Variants in PLCG2 observed in about 807,000 individuals in gnomAD.
PLCG2 encodes the protein 1-phosphatidylinositol 4,5-bisphosphate phosphodiesterase gamma-2.
A neutral mutation model predicts 175.6 loss-of-function variants in PLCG2; 69 were observed. That is an observed-to-expected ratio of 0.39 (90% CI 0.32 to 0.48). The LOEUF (loss-of-function observed/expected upper bound fraction) is 0.48. Ranked by LOEUF, PLCG2 falls within the 20% of genes least tolerant of loss-of-function variation. The pLI is 0.91. For synonymous variants in PLCG2, 827 were observed against 624.0 expected, an observed-to-expected ratio of 1.33 and a Z score of -4.85; for missense variants, 1,798 against 1,650.9, an observed-to-expected ratio of 1.09 and a Z score of -1.54.
chr16:81,746,258 T>G (rs1265355372), intron 1 of PLCG2, among the ~76,000 whole-genome samples: 2 of 152,304 alleles, frequency 1.3e-5, no homozygotes, highest in East Asian at 3.9e-4. Flanking sequence ...CTTCATCTAC[T>G]CGTGACACGT....
chr16:81,844,547 C>A (rs1006711128), intron 2 of PLCG2, among the ~76,000 whole-genome samples: 1 of 152,040 alleles, frequency 6.6e-6, no homozygotes, highest in African/African-American at 2.4e-5. Context: ...GTCTCAAACT[C>A]CCAACTTCAA....
intron 5 of PLCG2, among the ~76,000 whole-genome samples, chr16:81,867,007 G>T (rs968751688): frequency 2.0e-5 from 3 of 152,224 alleles, no homozygotes; most frequent in Non-Finnish European, 4.4e-5. Flanking sequence ...TGCCCTCAAG[G>T]TCTGTCTGTG....
intron 2 of PLCG2, among the ~76,000 whole-genome samples, chr16:81,790,847 G>T (rs1475153512): frequency 2.0e-5 from 3 of 152,106 alleles, no homozygotes; most frequent in Admixed American, 2.0e-4. Context: ...GATACAGGGT[G>T]CTACTGGCAT....
chr16:81,858,323 C>T lies in PLCG2; in HGVS notation c.398C>T (p.Ala133Val), dbSNP rs61755444. The stretch of plus-strand genomic sequence containing the variant: ...GGCTTGAAAATCTTACACCAGGAAG[C>T]GATGAATGCGTCCACGCCCACCATT... ...LSGLKILHQEAMNASTPTIIE... is the reference protein window; with the variant it reads ...LSGLKILHQEVMNASTPTIIE... The change falls in exon 4 of 33, where the codon GCG becomes GTG. Residue 133 changes from alanine to valine, a missense_variant. Physicochemically the swap from Ala to Val is moderately conservative, Grantham distance 64 (BLOSUM62 0). Transcript: ENST00000564138. 2.7e-4 allele frequency: 428 copies of T among 1,613,874 alleles called. No homozygotes were observed. The highest frequency in any genetic ancestry group is 2.9e-4 in the Non-Finnish European group (338 of 1,179,742).
chr16:81,944,820 G>A (rs532772760), intron 30 of PLCG2, among the ~76,000 whole-genome samples: 1 of 152,032 alleles, frequency 6.6e-6, no homozygotes, highest in Admixed American at 6.6e-5. Context: ...CAAGGATTTT[G>A]GTATCTGGGG....
Position 81,931,498 on chromosome 16 carries a change from G to A in PLCG2, c.2583G>A (p.Val861=), listed in dbSNP as rs772898214. Residue 861 remains valine, a splice_region_variant and synonymous_variant, in exon 25 of 33, where the codon GTG becomes GTA. Transcript: ENST00000564138. ...CATTTCTTATTCTCTTACCCCAAGT[G>A]AAAGCCCCTCAGGGAAAAAACCAGA... The part of the protein sequence containing the change: ...GILDLNTYNV[V]KAPQGKNQKS... 13 of 1,613,908 alleles carry A rather than the reference G, an allele frequency of 8.1e-6. No homozygotes were observed. The highest frequency in any genetic ancestry group is 1.1e-5 in the Non-Finnish European group (13 of 1,179,860).
chr16:81,785,878 A>G, intron 1 of PLCG2, 65 bp from the exon 2 acceptor site: 1 of 1,000,274 alleles, frequency 1.0e-6, no homozygotes, highest in Non-Finnish European at 1.5e-6. Flanking sequence ...CCTGAAGTTC[A>G]TGCCCTGTTA....
At chr16:81,870,153 G>A (rs1165554318) in intron 6 of PLCG2, among the ~76,000 whole-genome samples, 1 of 152,212 alleles carries the variant, frequency 6.6e-6, no homozygotes, top group African/African-American at 2.4e-5. Context: ...GTCAGAAGAG[G>A]AGAGAGATGG....
chr16:81,839,748 C>T (rs546567711), intron 2 of PLCG2, among the ~76,000 whole-genome samples: 1 of 152,274 alleles, frequency 6.6e-6, no homozygotes, highest in African/African-American at 2.4e-5. Flanking sequence ...GTTTAAATGG[C>T]ACCAAAATGA....
chr16:81,776,953 TG>T (rs747899695), upstream of PLCG2, among the ~76,000 whole-genome samples: 1 of 152,086 alleles, frequency 6.6e-6, no homozygotes, highest in African/African-American at 2.4e-5. Context: ...GTCGTTCACC[TG>T]GGGGGTGGGG....
intron 20 of PLCG2, among the ~76,000 whole-genome samples, 170 bp from the exon 21 acceptor site, chr16:81,921,027 TC>T (rs1910038794): frequency 6.6e-6 from 1 of 152,178 alleles, no homozygotes; most frequent in African/African-American, 2.4e-5. Context: ...CTGGGGACCT[TC>T]TTTATAGCTT....
intron 22 of PLCG2, among the ~76,000 whole-genome samples, chr16:81,923,891 G>C (rs1322940977): frequency 6.6e-6 from 1 of 152,202 alleles, no homozygotes; most frequent in Non-Finnish European, 1.5e-5. Flanking sequence ...TCTGCTAATT[G>C]CTTTCCATGC....
At chr16:81,933,491 A>G (rs893809777) in intron 25 of PLCG2, among the ~76,000 whole-genome samples, 6 of 152,006 alleles carry the variant, frequency 3.9e-5, no homozygotes, top group African/African-American at 1.5e-4. Flanking sequence ...CCAGAGCCTC[A>G]CCAACTGTAT....
intron 23 of PLCG2, 99 bp from the exon 24 acceptor site, chr16:81,928,459 C>T (rs1910367734): frequency 1.3e-6 from 1 of 778,234 alleles, no homozygotes; most frequent in Non-Finnish European, 2.3e-6. Flanking sequence ...TAAACAGTTC[C>T]ACAGGCAGTA....
chr16:81,802,091 G>GTTTTT (rs1249304271), intron 2 of PLCG2, among the ~76,000 whole-genome samples: 3 of 53,516 alleles, frequency 5.6e-5, no homozygotes, highest in Admixed American at 2.5e-4. Flanking sequence ...GGTGAGTACA[G>GTTTTT]TCTTTTTTTT....
intron 2 of PLCG2, chr16:81,842,629 G>GTCAT (rs1905894448): frequency 6.6e-6 from 1 of 152,190 alleles, no homozygotes; most frequent in Non-Finnish European, 1.5e-5. Flanking sequence ...GCCCCTTGAG[G>GTCAT]TCATGTATGG....
intron 5 of PLCG2, among the ~76,000 whole-genome samples, chr16:81,863,220 C>T (rs1035485942): frequency 6.6e-6 from 1 of 152,212 alleles, no homozygotes; most frequent in African/African-American, 2.4e-5. Context: ...CTCTCTTTAG[C>T]CCCTGGAAAT....
intron 7 of PLCG2, among the ~76,000 whole-genome samples, chr16:81,877,372 C>T (rs188526276): frequency 2.0e-5 from 3 of 152,162 alleles, no homozygotes; most frequent in Admixed American, 6.5e-5. Flanking sequence ...AGGAGAATGG[C>T]GTGAACCTGG....
intron 26 of PLCG2, among the ~76,000 whole-genome samples, 170 bp downstream of exon 26, chr16:81,934,701 C>CT (rs200875985): frequency 6.6e-6 from 1 of 152,046 alleles, no homozygotes; most frequent in Non-Finnish European, 1.5e-5. Flanking sequence ...GTGGCAGAAG[C>CT]TTTTTTGGTG....
Sources: gnomAD v4.1 joint callset for allele counts (sites outside exome capture counted in the v4.1 genomes callset) on GRCh38, gnomAD v4.1.1 for gene constraint, MANE v1.5 for transcripts, NCBI Gene and HGNC (gene_info 2026-07-23, HGNC 2026-07-21) for gene names.